Variants in ZNF609 observed in about 807,000 individuals in gnomAD.
The protein encoded by ZNF609 is zinc finger protein 609.
Under a neutral mutation model 109.5 loss-of-function variants are expected in ZNF609, and 11 were observed. That is an observed-to-expected ratio of 0.10 (90% CI 0.06 to 0.17). The LOEUF (loss-of-function observed/expected upper bound fraction) is 0.17, where lower values mean the gene tolerates loss of function less well. Among genes scored for constraint, ZNF609 ranks in the 10% least tolerant of loss-of-function variants. The probability of loss-of-function intolerance (pLI) is 1.00; values close to 1 mark genes in which losing one functional copy is unlikely to be tolerated. For synonymous variants in ZNF609, 646 were observed against 662.0 expected (o/e 0.98, Z 0.37); for missense variants, 1,559 against 1,772.4 (o/e 0.88, Z 2.16).
At chr15:64,591,984 C>T (rs973933323) in intron 2 of ZNF609, among the ~76,000 whole-genome samples, 3 of 151,984 alleles carry the variant, frequency 2.0e-5, no homozygotes, top group Middle Eastern at 6.8e-3. Flanking sequence ...GCTGGGATTG[C>T]GAGTGTCAGC....
chr15:64,536,961 A>T (rs7170263), intron 2 of ZNF609, among the ~76,000 whole-genome samples: 1 of 140,806 alleles, frequency 7.1e-6, no homozygotes, highest in South Asian at 2.2e-4. Flanking sequence ...GGTGGCTCAC[A>T]CCTGTAATCC....
intron 1 of ZNF609, among the ~76,000 whole-genome samples, chr15:64,488,328 C>T (rs1938102721): frequency 7.2e-5 from 11 of 152,184 alleles, no homozygotes; most frequent in Admixed American, 7.2e-4. Context: ...TATGATTCTG[C>T]TCATTGAGGA....
chr15:64,580,552 TTTTC>T (rs1284554171), intron 2 of ZNF609, among the ~76,000 whole-genome samples: 65 of 53,612 alleles, frequency 1.2e-3, no homozygotes, highest in Admixed American at 6.5e-3. Context: ...TTTTCTTTTC[TTTTC>T]TTTTTTTTTT....
chr15:64,486,588 A>G (rs1016511875), intron 1 of ZNF609, among the ~76,000 whole-genome samples: 1 of 151,578 alleles, frequency 6.6e-6, no homozygotes, highest in Admixed American at 6.6e-5. Context: ...TTGGTTTCCT[A>G]TGAACTTTGT....
At chr15:64,620,434 TG>T (rs1407536852) in intron 2 of ZNF609, among the ~76,000 whole-genome samples, 2 of 152,196 alleles carry the variant, frequency 1.3e-5, no homozygotes, top group Non-Finnish European at 2.9e-5. Flanking sequence ...ACTTTTTCTG[TG>T]TTGTTTTTTA....
At chr15:64,472,314 A>G (rs778665087) in intron 1 of ZNF609, among the ~76,000 whole-genome samples, 3 of 152,254 alleles carry the variant, frequency 2.0e-5, no homozygotes, top group Non-Finnish European at 4.4e-5. Context: ...TTTGGCTATC[A>G]TACCACAGCA....
chr15:64,624,836 T>G (rs575996), intron 3 of ZNF609, among the ~76,000 whole-genome samples: 110,604 of 149,524 alleles, frequency 0.74, 44,564 homozygotes, highest in East Asian at 0.96. Context: ...CTTGGCTCAC[T>G]GCAACCTCTG....
At chr15:64,576,102 A>AAAT (rs547815852) in intron 2 of ZNF609, among the ~76,000 whole-genome samples, 254 of 152,114 alleles carry the variant, frequency 1.7e-3, no homozygotes, top group African/African-American at 4.1e-3. Flanking sequence ...ACTCAGTCTC[A>AAAT]AATAATAATA....
chr15:64,468,816 T>C (rs1046031709), intron 1 of ZNF609, among the ~76,000 whole-genome samples: 2 of 152,190 alleles, frequency 1.3e-5, no homozygotes, highest in African/African-American at 4.8e-5. Context: ...CTGTTTGTCC[T>C]TGTGCAAGTC....
intron 2 of ZNF609, among the ~76,000 whole-genome samples, chr15:64,562,960 T>C (rs922135244): frequency 6.6e-6 from 1 of 151,914 alleles, no homozygotes; most frequent in Non-Finnish European, 1.5e-5. Flanking sequence ...AGTTTACTTC[T>C]GAAGTCCAAT....
rs374954181 is a variant in ZNF609 at position 64,656,125 on chromosome 15, G to A, written c.974-14221G>A. On this transcript the variant is annotated intron_variant, in intron 3 of 9. Coordinates refer to ENST00000326648, the MANE Select transcript of ZNF609 (RefSeq NM_015042.2). ...GTCACCCAGGCTGGAGTGCAATGGC[G>A]CGATCTTGGCCCACTGCAACCTCCG... 1.2e-4 allele frequency among the ~76,000 whole-genome samples: 18 copies of A among 151,932 alleles called. 1 individual carries two copies. The East Asian group carries it at 2.5e-3, about 21-fold the overall frequency.
chr15:64,503,058 CAAAAAAA>C (rs5813306), intron 2 of ZNF609: 1 of 138,572 alleles, frequency 7.2e-6, no homozygotes, highest in Non-Finnish European at 1.5e-5. Flanking sequence ...GACCTTGTCT[CAAAAAAA>C]AAAAAAAAGA....
intron 1 of ZNF609, among the ~76,000 whole-genome samples, chr15:64,496,555 G>A (rs1893485307): frequency 6.6e-6 from 1 of 152,124 alleles, no homozygotes; most frequent in East Asian, 1.9e-4. Context: ...GATGCCCTCT[G>A]CCCCTCATAA....
In ZNF609 at chr15:64,634,852, A is replaced by G. The variant is rs10519272; in HGVS notation, c.973+11800A>G. On this transcript the variant is annotated intron_variant, in intron 3 of 9. Transcript: ENST00000326648. ...GCAACAGCAGCCACACAAAGGAAAC[A>G]TTAGGGAAATCAGTACCTACTTTCT... Among the ~76,000 whole-genome samples, 266 of 152,284 alleles carry G rather than the reference A, an allele frequency of 1.7e-3. 4 individuals are homozygous for G. Among genetic ancestry groups the G allele is most frequent in the Admixed American group, 0.01 (153 of 15,276 alleles).
Position 64,505,578 on chromosome 15 carries a change from G to A in ZNF609, c.747+5412G>A, listed in dbSNP as rs189215171. 3.7e-3 allele frequency among the ~76,000 whole-genome samples: 557 copies of A among 152,218 alleles called. 4 individuals carry two copies. The highest frequency in any genetic ancestry group is 3.8e-3 in the Non-Finnish European group (259 of 68,028). On this transcript the variant is annotated intron_variant, in intron 2 of 9. Transcript: ENST00000326648. Reference sequence around the variant, plus strand: ...CTTTTTGAGGAGCTTACAGTTTACCGTCTACAGCAGAGTTCCTAAAAGTGT... The same window carrying A: ...CTTTTTGAGGAGCTTACAGTTTACCATCTACAGCAGAGTTCCTAAAAGTGT...
rs1276364718 is a variant in ZNF609, at chr15:64,460,608, T to C, written c.-358T>C. ...TCCCGGATCGCGGCGGCGGCGGCGG[T>C]GGCGGCGGCTGAGGGACCCGCGGCC... On this transcript the variant is annotated 5_prime_UTR_variant, in exon 1 of 10. Transcript: ENST00000326648. The C allele has an allele frequency of 1.3e-5, 2 of 158,776 alleles. No homozygotes were observed. Among genetic ancestry groups the C allele is most frequent in the Non-Finnish European group, 2.7e-5 (2 of 75,186 alleles). The allele number at this position is 158,776 out of a possible 1,614,324, so 9.8% of individuals were successfully genotyped here. A position where few individuals can be genotyped will look rare whatever the true frequency, so the allele number is the denominator to read the frequency against.
chr15:64,475,380 A>G (rs1050667586), intron 1 of ZNF609, among the ~76,000 whole-genome samples: 6 of 141,250 alleles, frequency 4.2e-5, no homozygotes, highest in Non-Finnish European at 9.1e-5. Flanking sequence ...GTAGTACTTT[A>G]TCACATGTTG....
chr15:64,556,703 C>T (rs1894594255), intron 2 of ZNF609, among the ~76,000 whole-genome samples: 1 of 152,106 alleles, frequency 6.6e-6, no homozygotes, highest in Non-Finnish European at 1.5e-5. Context: ...TCTGTTAACA[C>T]CATGTTGACC....
intron 2 of ZNF609, among the ~76,000 whole-genome samples, chr15:64,532,910 G>T (rs950553210): frequency 1.3e-5 from 2 of 152,110 alleles, no homozygotes; most frequent in African/African-American, 4.8e-5. Flanking sequence ...TTTTAGGTAC[G>T]GTACTCATGT....
Sources: gnomAD v4.1 joint callset for allele counts (sites outside exome capture counted in the v4.1 genomes callset) on GRCh38, gnomAD v4.1.1 for gene constraint, MANE v1.5 for transcripts, NCBI Gene and HGNC (gene_info 2026-07-23, HGNC 2026-07-21) for gene names.